Variants in IL31RA observed in about 807,000 individuals in gnomAD.
IL31RA encodes the protein interleukin-31 receptor subunit alpha.
A neutral mutation model predicts 83.7 loss-of-function variants in IL31RA; 66 were observed. The observed-to-expected ratio is 0.79, with a 90% CI of 0.65 to 0.97. The LOEUF (loss-of-function observed/expected upper bound fraction) is 0.97. Among genes scored for constraint, IL31RA ranks in the 50% least tolerant of loss-of-function variants. IL31RA has a pLI of 0.00. For missense variants in IL31RA, 798 were observed against 919.4 expected (o/e 0.87, Z 1.71); for synonymous variants, 325 against 329.0 (o/e 0.99, Z 0.13).
At chr5:55,861,834 C>A (rs998605580) in intron 2 of IL31RA, among the ~76,000 whole-genome samples, 3 of 152,214 alleles carry the variant, frequency 2.0e-5, no homozygotes, top group Non-Finnish European at 4.4e-5. Context: ...ATCCACCATT[C>A]TTTTCATCTA....
chr5:55,877,534 T>C (rs1465153882), intron 4 of IL31RA, among the ~76,000 whole-genome samples: 1 of 152,248 alleles, frequency 6.6e-6, no homozygotes, highest in Admixed American at 6.5e-5. Context: ...GGCCTATTGG[T>C]AATGAACTCT....
upstream of IL31RA, among the ~76,000 whole-genome samples, chr5:55,848,303 C>A (rs185698226): frequency 3.6e-4 from 55 of 152,268 alleles, no homozygotes; most frequent in African/African-American, 1.3e-3. Context: ...TTTATGCAAT[C>A]ATTTATTAAT....
chr5:55,907,055 C>T (rs951912823), intron 9 of IL31RA, among the ~76,000 whole-genome samples: 2 of 152,168 alleles, frequency 1.3e-5, no homozygotes, highest in African/African-American at 2.4e-5. Context: ...AATTAGGCAG[C>T]GTGTTCAGCG....
At chr5:55,890,758 G>A (rs186945587) in intron 6 of IL31RA, among the ~76,000 whole-genome samples, 1 of 152,188 alleles carries the variant, frequency 6.6e-6, no homozygotes, top group South Asian at 2.1e-4. Flanking sequence ...AAATAAAGGT[G>A]TAACTAATAC....
upstream of IL31RA, among the ~76,000 whole-genome samples, chr5:55,847,343 C>T (rs1037241475): frequency 5.9e-5 from 9 of 151,594 alleles, no homozygotes; most frequent in African/African-American, 2.2e-4. Flanking sequence ...ACCTGTAATC[C>T]CAGCACTTTG....
intron 7 of IL31RA, 100 bp from the exon 8 acceptor site, chr5:55,899,812 ATAGT>A (rs1580724878): frequency 1.3e-6 from 1 of 765,700 alleles, no homozygotes; most frequent in Non-Finnish European, 2.3e-6. Flanking sequence ...TTAGTATCTA[ATAGT>A]TAGCCTTATT....
chr5:55,894,743 G>A (rs1748226761), intron 6 of IL31RA, among the ~76,000 whole-genome samples: 1 of 152,066 alleles, frequency 6.6e-6, no homozygotes, highest in Admixed American at 6.6e-5. Flanking sequence ...TTTGAGACAC[G>A]ACTCGCTCTG....
chr5:55,882,984 T>C, intron 4 of IL31RA, 60 bp from the exon 5 acceptor site: 1 of 1,525,868 alleles, frequency 6.6e-7, no homozygotes, highest in Non-Finnish European at 9.1e-7. Flanking sequence ...TTTGGGTGGA[T>C]GCTATTAGCA....
At chr5:55,895,514 A>G (rs1449519329) in intron 6 of IL31RA, among the ~76,000 whole-genome samples, 4 of 152,320 alleles carry the variant, frequency 2.6e-5, no homozygotes, top group African/African-American at 7.2e-5. Flanking sequence ...CACTTGGACT[A>G]TTGTCTCAGA....
chr5:55,919,390 A>C lies in IL31RA; in HGVS notation c.*2270A>C, dbSNP rs1010820978. 2.0e-5 allele frequency among the ~76,000 whole-genome samples: 3 copies of C among 152,186 alleles called. No homozygotes were observed. Among genetic ancestry groups the C allele is most frequent in the African/African-American group, 7.2e-5 (3 of 41,446 alleles). On this transcript the variant is annotated 3_prime_UTR_variant, in exon 15 of 15. Transcript: ENST00000652347. ...GATCCCCAATGGCTCCTGTGAGTGG[A>C]TTCCAGAGATAAGGATGTTGCCCTC...
At chr5:55,881,588 G>A (rs534519634) in intron 4 of IL31RA, among the ~76,000 whole-genome samples, 1 of 151,896 alleles carries the variant, frequency 6.6e-6, no homozygotes, top group African/African-American at 2.4e-5. Context: ...TACTGGAGTC[G>A]TACGCATGCT....
intron 3 of IL31RA, among the ~76,000 whole-genome samples, chr5:55,870,866 C>A (rs762394593): frequency 6.6e-6 from 1 of 152,100 alleles, no homozygotes; most frequent in South Asian, 2.1e-4. Context: ...GTTGGGGATG[C>A]CTTCATGGAG....
chr5:55,897,841 C>T (rs1748515229), intron 7 of IL31RA, among the ~76,000 whole-genome samples: 1 of 152,144 alleles, frequency 6.6e-6, no homozygotes, highest in Non-Finnish European at 1.5e-5. Context: ...CGTGTGCCTC[C>T]AGAATTCCCA....
the IL31RA span, among the ~76,000 whole-genome samples, chr5:55,840,437 T>C: frequency 1.3e-5 from 2 of 152,174 alleles, no homozygotes; most frequent in African/African-American, 4.8e-5. Context: ...TAACGTAAGG[T>C]TTGGAAATTG....
intron 3 of IL31RA, among the ~76,000 whole-genome samples, 179 bp from the exon 4 acceptor site, chr5:55,872,091 T>C (rs1204012315): frequency 1.3e-5 from 2 of 152,042 alleles, no homozygotes; most frequent in African/African-American, 2.4e-5. Flanking sequence ...GCAGGTAACC[T>C]TTACCTTTCC....
intron 2 of IL31RA, among the ~76,000 whole-genome samples, chr5:55,867,157 T>TTGTGTGCATG (rs1746142606): frequency 3.6e-5 from 2 of 55,062 alleles, no homozygotes; most frequent in African/African-American, 1.2e-4. Context: ...GCATGTGTGT[T>TTGTGTGCATG]TGTGTGTGTG....
intron 10 of IL31RA, among the ~76,000 whole-genome samples, chr5:55,907,882 C>T (rs1222093106): frequency 6.6e-6 from 1 of 152,160 alleles, no homozygotes; most frequent in African/African-American, 2.4e-5. Flanking sequence ...TTACTTTTAT[C>T]TTTTTGGAAG....
At chr5:55,904,241 G>A (rs1580732050) in intron 8 of IL31RA, among the ~76,000 whole-genome samples, 1 of 152,164 alleles carries the variant, frequency 6.6e-6, no homozygotes, top group African/African-American at 2.4e-5. Flanking sequence ...CAGGGAGGGG[G>A]GTTCCCACTG....
In IL31RA at chr5:55,855,334, T is replaced by TAC. The variant is rs1307164063; in HGVS notation, c.63+3701_63+3702insAC. On this transcript the variant is annotated intron_variant, in intron 1 of 14. Transcript: ENST00000652347. ...AATTTAAAATATATATATATATATA[T>TAC]TTTTAGAGACAGAGTCTTGCTATGT... Among the ~76,000 whole-genome samples, 3 of 148,972 alleles carry TAC rather than the reference T, an allele frequency of 2.0e-5. No individual in the cohort carries two copies. In the East Asian group the frequency reaches 5.9e-4, roughly 29 times the overall value.
Sources: allele counts gnomAD v4.1 joint callset (sites outside exome capture counted in the v4.1 genomes callset), GRCh38; gene constraint gnomAD v4.1.1; transcripts MANE v1.5; gene names NCBI Gene and HGNC (gene_info 2026-07-23, HGNC 2026-07-21).